The following SSX1 variants were observed in gnomAD, a reference collection of about 807,000 sequenced individuals.
SSX1 encodes the protein SSX family member 1.
Under a neutral mutation model 14.6 loss-of-function variants are expected in SSX1, and 58 were observed. That is an observed-to-expected ratio of 3.96 (90% CI 3.21 to 4.93). The LOEUF is 4.93. SSX1 is among the 30% of genes most tolerant of loss of function. SSX1 has a pLI of 0.00. For missense variants in SSX1, 272 were observed against 143.1 expected (o/e 1.90, Z -4.60); for synonymous variants, 46 against 52.1 (o/e 0.88, Z 0.50).
At chrX:48,259,636 G>A (rs1182705395) in intron 4 of SSX1, among the ~76,000 whole-genome samples, 1 of 110,149 alleles carries the variant, frequency 9.1e-6, no homozygotes, top group Non-Finnish European at 1.9e-5. Context: ...AGAGTGTGAT[G>A]TTCCCCTTCC....
In SSX1 at chrX:48,257,875, T is replaced by C; in HGVS notation, c.184+15T>C. On this transcript the variant is annotated intron_variant, in intron 3 of 7. Coordinates refer to ENST00000376919, the MANE Select transcript of SSX1 (RefSeq NM_005635.4). ...GACTAAACTAGGTAACAGAAAGTTC[T>C]AGGAACAGACAAGTCTGGGGATACA... is the stretch of plus-strand genomic sequence containing the variant. 9.3e-7 allele frequency: 1 copy of C among 1,079,621 alleles called. No homozygotes were observed. The highest frequency in any genetic ancestry group is 1.3e-6 in the Non-Finnish European group (1 of 784,365). The allele number at this position is 1,079,621 out of a possible 1,213,427, so 89.0% of individuals were successfully genotyped here.
intron 2 of SSX1, 197 bp downstream of exon 2, chrX:48,257,507 T>A (rs1177212363): frequency 1.3e-6 from 1 of 751,167 alleles, no homozygotes; most frequent in Non-Finnish European, 1.6e-6. Context: ...TGCTCTACAT[T>A]TGGTAACTCT....
intron 6 of SSX1, among the ~76,000 whole-genome samples, chrX:48,265,497 G>T (rs1164681445): frequency 7.2e-5 from 8 of 111,851 alleles, no homozygotes; most frequent in African/African-American, 2.6e-4. Flanking sequence ...GAGCTCATTG[G>T]TGGAGCAGTC....
Position 48,263,818 on chromosome X carries a change from T to C in SSX1, c.367T>C (p.Ser123Pro), listed in dbSNP as rs782399345. 8.3e-7 allele frequency: 1 copy of C among 1,211,640 alleles called. No individual in the cohort carries two copies. Among genetic ancestry groups the C allele is most frequent in the South Asian group, 1.8e-5 (1 of 56,977 alleles). The change falls in exon 6 of 8, where the codon TCG (serine) becomes CCG (proline). Residue 123 changes from serine to proline, a missense_variant. By Grantham distance (74) the Ser-to-Pro change is moderately conservative (BLOSUM62 -1). Transcript: ENST00000376919. ...GAAGCCAGCAGAGGACGAAAATGAT[T>C]CGAAGGGAGTGTCAGAAGCATCTGG... ...PKKPAEDEND[S>P]KGVSEASGPQ...
Position 48,266,955 on chromosome X carries a change from G to A in SSX1, c.*106G>A, listed in dbSNP as rs1254765658. ...TCCCTCGTCATCAGGTGCATAGCAA[G>A]TGAAAGCAAGTGTTCACAACGGTGA... On this transcript the variant is annotated 3_prime_UTR_variant, in exon 8 of 8. Transcript: ENST00000376919. 13 of 871,661 alleles carry A rather than the reference G, an allele frequency of 1.5e-5. No homozygotes were observed. Among genetic ancestry groups the A allele is most frequent in the Non-Finnish European group, 3.3e-6 (2 of 607,583 alleles). 71.8% of individuals were successfully genotyped at this position (871,661 alleles called of 1,213,427 possible). A position where few individuals can be genotyped will look rare whatever the true frequency, so the allele number is the denominator to read the frequency against.
At chrX:48,257,457 C>T in intron 2 of SSX1, 147 bp downstream of exon 2, 1 of 1,168,759 alleles carries the variant, frequency 8.6e-7, no homozygotes, top group Non-Finnish European at 1.1e-6. Flanking sequence ...CACCTGTGTT[C>T]TGTCATCACC....
At chrX:48,260,092 T>C (rs2059598932) in intron 4 of SSX1, among the ~76,000 whole-genome samples, 1 of 97,404 alleles carries the variant, frequency 1.0e-5, no homozygotes, top group African/African-American at 3.7e-5. Context: ...TTCCTATTTC[T>C]CCACATCCTC....
At position 48,257,747 on chromosome X, in the gene SSX1, C is replaced by G. The variant is rs371304536; in HGVS notation, c.71C>G (p.Ala24Gly). ...CAAATTTTATTTTATTTTTTTTAGG[C>G]CTTTGATGATATTGCCACATACTTC... Reference protein sequence around the residue: ...DAKASEKRSKAFDDIATYFSK... With the variant: ...DAKASEKRSKGFDDIATYFSK... Residue 24 changes from alanine (A) to glycine (G), a missense_variant and splice_region_variant, in exon 3 of 8, where the codon GCC becomes GGC. Ala to Gly is a moderately conservative substitution (Grantham distance 60). Transcript: ENST00000376919. 6.7e-6 allele frequency: 8 copies of G among 1,193,186 alleles called. No homozygotes were observed. The highest frequency in any genetic ancestry group is 3.6e-5 in the South Asian group (2 of 55,058).
rs201420676 is a variant in SSX1, at chrX:48,263,946, C to G, written c.466+29C>G. 428 of 1,203,110 alleles carry G rather than the reference C, an allele frequency of 3.6e-4. 3 individuals are homozygous for G. In the South Asian group the frequency reaches 7.4e-3, roughly 21 times the overall value. On this transcript the variant is annotated intron_variant, in intron 6 of 7. Transcript: ENST00000376919. ...AGAGGAAATGATTTGGGAACAACTT[C>G]TCTGGCTTTTCTGGCTATGTTCAGG...
At chrX:48,260,523 G>A (rs1556935320) in intron 4 of SSX1, among the ~76,000 whole-genome samples, 1 of 111,407 alleles carries the variant, frequency 9.0e-6, no homozygotes, top group African/African-American at 3.3e-5. Flanking sequence ...ATGAAGTTAG[G>A]CAGGAGAAGG....
chrX:48,258,200 T>G (rs1175931679), intron 3 of SSX1, among the ~76,000 whole-genome samples: 1 of 93,978 alleles, frequency 1.1e-5, no homozygotes, highest in African/African-American at 3.9e-5. Flanking sequence ...TTTTTTTTTT[T>G]TTTTTTTTTG....
intron 6 of SSX1, among the ~76,000 whole-genome samples, chrX:48,265,946 C>T (rs1452426033): frequency 9.0e-6 from 1 of 111,614 alleles, no homozygotes; most frequent in Admixed American, 9.6e-5. Flanking sequence ...GTCTGCATAG[C>T]ACTATAAAAA....
chrX:48,256,130 A>G (rs1249569193), intron 1 of SSX1, among the ~76,000 whole-genome samples: 1 of 106,049 alleles, frequency 9.4e-6, no homozygotes, highest in Non-Finnish European at 1.9e-5. Flanking sequence ...CGGCCTCGGA[A>G]CTACAGGCAA....
Position 48,257,771 on chromosome X carries a change from T to G in SSX1, c.95T>G (p.Phe32Cys), listed in dbSNP as rs2059587777. The G allele has an allele frequency of 1.7e-6, 2 of 1,206,106 alleles. No homozygotes were observed. The highest frequency in any genetic ancestry group is 2.2e-6 in the Non-Finnish European group (2 of 892,416). ...GCCTTTGATGATATTGCCACATACTTCTCTAAGAAAGAGTGGAAAAAGATG... is the reference window on the plus strand; with the variant it reads ...GCCTTTGATGATATTGCCACATACTGCTCTAAGAAAGAGTGGAAAAAGATG... ...SKAFDDIATYFSKKEWKKMKY... is the reference protein window; with the variant it reads ...SKAFDDIATYCSKKEWKKMKY... Residue 32 changes from phenylalanine to cysteine, a missense_variant, in exon 3 of 8, where the codon TTC (phenylalanine) becomes TGC (cysteine). Physicochemically the swap from Phe to Cys is radical, Grantham distance 205. Transcript: ENST00000376919.
At chrX:48,256,267 T>C (rs1240985601) in intron 1 of SSX1, among the ~76,000 whole-genome samples, 1 of 105,275 alleles carries the variant, frequency 9.5e-6, no homozygotes, top group Non-Finnish European at 1.9e-5. Context: ...GCCTCGGAAC[T>C]ACAGGCGAGC....
In SSX1 at chrX:48,257,282, A is replaced by G; in HGVS notation, c.41A>G (p.Asp14Gly). 1 of 1,211,108 alleles carries G rather than the reference A, an allele frequency of 8.3e-7. No individual in the cohort carries two copies. Among genetic ancestry groups the G allele is most frequent in the Non-Finnish European group, 1.1e-6 (1 of 894,980 alleles). The change falls in exon 2 of 8, where the codon GAT (aspartate) becomes GGT (glycine). Residue 14 changes from aspartate (D) to glycine (G), a missense_variant. Coordinates refer to ENST00000376919, the MANE Select transcript of SSX1 (RefSeq NM_005635.4). Reference protein sequence around the residue: ...DDTFAKRPRDDAKASEKRSKA... With the variant: ...DDTFAKRPRDGAKASEKRSKA... ...ACCTTTGCAAAGAGACCCAGGGATG[A>G]TGCTAAAGCATCAGAGAAGAGAAGC...
intron 3 of SSX1, 101 bp from the exon 4 acceptor site, chrX:48,258,435 C>A (rs1369611698): frequency 2.4e-5 from 14 of 592,409 alleles, no homozygotes; most frequent in Non-Finnish European, 4.1e-5. Flanking sequence ...CTCAAACAAT[C>A]CTCCTGCCTC....
intron 5 of SSX1, among the ~76,000 whole-genome samples, chrX:48,262,348 T>C (rs781790186): frequency 8.9e-6 from 1 of 112,358 alleles, no homozygotes; most frequent in East Asian, 2.8e-4. Context: ...CTCCAAGCCA[T>C]TTAAAGCTCA....
At chrX:48,265,697 C>A (rs1556936274) in intron 6 of SSX1, among the ~76,000 whole-genome samples, 1 of 111,114 alleles carries the variant, frequency 9.0e-6, no homozygotes, top group East Asian at 2.8e-4. Flanking sequence ...GGATGGATAC[C>A]CTATTTTCCA....
Sources: allele counts gnomAD v4.1 joint callset (sites outside exome capture counted in the v4.1 genomes callset), GRCh38; gene constraint gnomAD v4.1.1; transcripts MANE v1.5; gene names NCBI Gene and HGNC (gene_info 2026-07-23, HGNC 2026-07-21).